OSBPL10: variants seen among roughly 807,000 people sequenced by gnomAD.
OSBPL10 encodes oxysterol binding protein like 10.
Under a neutral mutation model 81.7 loss-of-function variants are expected in OSBPL10, and 49 were observed. The observed-to-expected ratio is 0.60, with a 90% CI of 0.48 to 0.76. The LOEUF (loss-of-function observed/expected upper bound fraction) is 0.76, where lower values mean the gene tolerates loss of function less well. OSBPL10 is among the 30% of genes least tolerant of loss of function. OSBPL10 has a pLI of 0.00. For missense variants in OSBPL10, 923 were observed against 987.8 expected (o/e 0.93, Z 0.88); for synonymous variants, 419 against 383.6 (o/e 1.09, Z -1.08).
intron 3 of OSBPL10, among the ~76,000 whole-genome samples, chr3:31,830,741 C>T (rs1166286416): frequency 1.3e-5 from 2 of 152,208 alleles, no homozygotes; most frequent in Admixed American, 6.5e-5. Context: ...TGCTTTCATG[C>T]TCATCTTTAT....
chr3:32,068,367 G>A (rs1699797866), intron 1 of OSBPL10, among the ~76,000 whole-genome samples: 1 of 152,150 alleles, frequency 6.6e-6, no homozygotes, highest in Admixed American at 6.5e-5. Flanking sequence ...TTGCAGGGAT[G>A]CCTGCTTTGG....
intron 2 of OSBPL10, among the ~76,000 whole-genome samples, chr3:32,016,543 T>G (rs1699314355): frequency 1.3e-5 from 2 of 152,142 alleles, no homozygotes. Context: ...CGTGTATACA[T>G]ATGTAACAAA....
chr3:31,761,340 C>T (rs1349594975), intron 4 of OSBPL10, among the ~76,000 whole-genome samples: 1 of 151,888 alleles, frequency 6.6e-6, no homozygotes, highest in East Asian at 1.9e-4. Flanking sequence ...GATGTGGTGG[C>T]ACACACCCGT....
intron 1 of OSBPL10, among the ~76,000 whole-genome samples, chr3:31,948,742 A>C (rs1697775276): frequency 6.6e-6 from 1 of 152,218 alleles, no homozygotes; most frequent in Non-Finnish European, 1.5e-5. Context: ...CATAGCTAAG[A>C]AATTGGAAAA....
At chr3:31,996,810 A>G (rs1288043132) in intron 2 of OSBPL10, among the ~76,000 whole-genome samples, 5 of 152,178 alleles carry the variant, frequency 3.3e-5, no homozygotes, top group African/African-American at 1.2e-4. Flanking sequence ...ATAAAATTTA[A>G]AACAAAAAAA....
intron 7 of OSBPL10, among the ~76,000 whole-genome samples, chr3:31,689,139 A>C (rs1700876472): frequency 6.6e-6 from 1 of 152,170 alleles, no homozygotes; most frequent in African/African-American, 2.4e-5. Flanking sequence ...AGTCAAATCC[A>C]AACTGAGGAA....
rs572174522 is a variant in OSBPL10, at chr3:31,885,514, A to G, written c.282-5684T>C. The stretch of plus-strand genomic sequence containing the variant: ...CATCTCTGAGACATCATCTGTCTGC[A>G]CAGGTACCCATTTCATTGCTGCCTC... On this transcript the variant is annotated intron_variant, in intron 1 of 11. Transcript: ENST00000396556. Among the ~76,000 whole-genome samples the G allele has an allele frequency of 3.9e-5, 6 of 152,284 alleles. No homozygotes were observed. In the East Asian group the frequency reaches 7.7e-4, roughly 20 times the overall value.
intron 2 of OSBPL10, among the ~76,000 whole-genome samples, chr3:32,013,164 C>G (rs978309646): frequency 6.6e-6 from 1 of 152,198 alleles, no homozygotes; most frequent in African/African-American, 2.4e-5. Context: ...CCACACTGCA[C>G]TTATTCCAAA....
chr3:31,873,013 A>C (rs973022002), intron 3 of OSBPL10, among the ~76,000 whole-genome samples: 4 of 152,216 alleles, frequency 2.6e-5, no homozygotes, highest in East Asian at 3.9e-4. Flanking sequence ...AGAACTATAA[A>C]TAGGAAACCA....
intron 4 of OSBPL10, among the ~76,000 whole-genome samples, chr3:31,749,807 G>A (rs771820281): frequency 1.7e-4 from 25 of 149,292 alleles, no homozygotes; most frequent in Non-Finnish European, 1.8e-4. Context: ...AGAGTGAGAC[G>A]CCATCTCAAA....
At chr3:31,674,187 T>C (rs1367584976) in intron 8 of OSBPL10, among the ~76,000 whole-genome samples, 2 of 152,126 alleles carry the variant, frequency 1.3e-5, no homozygotes, top group Non-Finnish European at 2.9e-5. Context: ...TAATGACTTA[T>C]GGCCATCCTA....
At chr3:32,007,087 G>A (rs1488899433) in intron 2 of OSBPL10, among the ~76,000 whole-genome samples, 1 of 152,024 alleles carries the variant, frequency 6.6e-6, no homozygotes, top group East Asian at 1.9e-4. Context: ...AATTAAATTT[G>A]TAAATTCAAA....
chr3:31,985,114 C>G (rs1431786723), upstream of OSBPL10, among the ~76,000 whole-genome samples: 1 of 152,200 alleles, frequency 6.6e-6, no homozygotes. Flanking sequence ...TCATACACGC[C>G]TGTAGTCCCA....
intron 4 of OSBPL10, among the ~76,000 whole-genome samples, chr3:31,796,370 G>A (rs536567616): frequency 4.0e-5 from 6 of 151,422 alleles, no homozygotes; most frequent in South Asian, 4.2e-4. Context: ...TCCTTGCCCC[G>A]CCCCCCCAAA....
At chr3:31,916,151 T>C (rs1322312861) in intron 1 of OSBPL10, among the ~76,000 whole-genome samples, 3 of 150,782 alleles carry the variant, frequency 2.0e-5, no homozygotes, top group African/African-American at 4.9e-5. Flanking sequence ...AAATAATTAA[T>C]GTACAATAAG....
chr3:31,926,289 G>GCCGCCCC (rs1553641094), intron 1 of OSBPL10, among the ~76,000 whole-genome samples: 2 of 130,114 alleles, frequency 1.5e-5, no homozygotes, highest in Non-Finnish European at 3.1e-5. Context: ...GGGTGATTTT[G>GCCGCCCC]CCCCCCCAGA....
intron 1 of OSBPL10, among the ~76,000 whole-genome samples, chr3:31,901,807 G>C (rs1696250966): frequency 6.6e-6 from 1 of 152,146 alleles, no homozygotes; most frequent in Admixed American, 6.6e-5. Flanking sequence ...GGAAGCCAAG[G>C]CGGGCGGACT....
Position 32,050,124 on chromosome 3 carries a change from C to T in OSBPL10, n.186-3521G>A, listed in dbSNP as rs150877639. Among the ~76,000 whole-genome samples, 3 of 152,302 alleles carry T rather than the reference C, an allele frequency of 2.0e-5. No individual in the cohort carries two copies. The East Asian group carries it at 5.8e-4, about 29-fold the overall frequency. ...GGTCCTTAGGAGCTTGACCTTGTAA[C>T]CATGGGCAGTACTTTCTCTTGATCT... On this transcript the variant is annotated intron_variant and non_coding_transcript_variant, in intron 1 of 3. Transcript: ENST00000479173.
intron 1 of OSBPL10, among the ~76,000 whole-genome samples, chr3:31,965,943 GATA>G (rs1698386971): frequency 1.1e-5 from 1 of 92,842 alleles, no homozygotes; most frequent in Non-Finnish European, 2.0e-5. Context: ...ATATAAAATA[GATA>G]ATATATATTA....
Sources: gnomAD v4.1 joint callset for allele counts (sites outside exome capture counted in the v4.1 genomes callset) on GRCh38, gnomAD v4.1.1 for gene constraint, MANE v1.5 for transcripts, NCBI Gene and HGNC (gene_info 2026-07-23, HGNC 2026-07-21) for gene names.